BLMH: variants seen among roughly 807,000 people sequenced by gnomAD.
BLMH encodes BLM hydrolase.
Under a neutral mutation model 61.6 loss-of-function variants are expected in BLMH, and 32 were observed. The observed-to-expected ratio is 0.52, with a 90% CI of 0.39 to 0.70. BLMH has a LOEUF of 0.70. Ranked by LOEUF, BLMH falls within the 30% of genes least tolerant of loss-of-function variation. The pLI, the probability that BLMH is intolerant of heterozygous loss-of-function variation, is 0.00. For missense variants in BLMH, 460 were observed against 555.5 expected (o/e 0.83, Z 1.73); for synonymous variants, 183 against 193.8 (o/e 0.94, Z 0.46).
At chr17:30,271,179 C>T (rs1204710534) in intron 10 of BLMH, 92 bp downstream of exon 10, 4 of 982,640 alleles carry the variant, frequency 4.1e-6, no homozygotes, top group Admixed American at 1.8e-5. Flanking sequence ...AAATCATATA[C>T]ACTATGAATG....
chr17:30,272,927 G>A, intron 7 of BLMH, 28 bp from the exon 8 acceptor site: 1 of 1,609,014 alleles, frequency 6.2e-7, no homozygotes, highest in South Asian at 1.1e-5. Flanking sequence ...ACATTAATTA[G>A]GGCACAAAAC....
Position 30,254,110 on chromosome 17 carries a change from G to T in BLMH, c.1217-4942C>A, listed in dbSNP as rs183867881. 1.2e-3 allele frequency among the ~76,000 whole-genome samples: 179 copies of T among 152,226 alleles called. 1 individual carries two copies. The Middle Eastern group carries it at 0.024, about 20-fold the overall frequency. Reference sequence around the variant, plus strand: ...TAAGATTTAAGCCTTTCAGACTAAAGAATACAAAGAATATAAAATATATTT... The same window carrying T: ...TAAGATTTAAGCCTTTCAGACTAAATAATACAAAGAATATAAAATATATTT... On this transcript the variant is annotated intron_variant, in intron 11 of 11. Transcript: ENST00000261714.
intron 11 of BLMH, among the ~76,000 whole-genome samples, chr17:30,255,626 C>T (rs1008496128): frequency 2.0e-5 from 3 of 152,158 alleles, no homozygotes; most frequent in South Asian, 2.1e-4. Context: ...TCGCCAGGCA[C>T]GGTGGCTCAT....
chr17:30,287,727 C>T (rs1434848522), intron 4 of BLMH, 79 bp downstream of exon 4: 1 of 1,526,596 alleles, frequency 6.6e-7, no homozygotes, highest in African/African-American at 1.4e-5. Context: ...TACACAACCA[C>T]CAAAGAATTG....
In BLMH at chr17:30,271,328, C is replaced by T; in HGVS notation, c.1089G>A (p.Leu363=). The stretch of plus-strand genomic sequence containing the variant: ...GGGTCATAAGTGACTCACCAAAAGT[C>T]AGCCTCTCCGCTTTATTCATGTTCT... ...SLKNMNKAER[L]TFGESLMTHA... Residue 363 remains leucine, a synonymous_variant, in exon 10 of 12, where the codon CTG becomes CTA. Coordinates refer to ENST00000261714, the MANE Select transcript of BLMH (RefSeq NM_000386.4). 6.2e-7 allele frequency: 1 copy of T among 1,614,170 alleles called. No homozygotes were observed. Among genetic ancestry groups the T allele is most frequent in the East Asian group, 2.2e-5 (1 of 44,892 alleles).
intron 11 of BLMH, among the ~76,000 whole-genome samples, chr17:30,264,889 ATATAAC>A (rs1908058115): frequency 6.6e-6 from 1 of 152,248 alleles, no homozygotes; most frequent in Non-Finnish European, 1.5e-5. Context: ...CAACTTACAG[ATATAAC>A]TAAACTGTGA....
At chr17:30,283,936 T>A (rs979714907) in intron 6 of BLMH, among the ~76,000 whole-genome samples, 3 of 152,230 alleles carry the variant, frequency 2.0e-5, no homozygotes, top group African/African-American at 7.2e-5. Flanking sequence ...TCCTGCTACG[T>A]GCCAGGCACT....
At chr17:30,285,548 C>A in intron 5 of BLMH, 68 bp from the exon 6 acceptor site, 1 of 1,263,836 alleles carries the variant, frequency 7.9e-7, no homozygotes, top group Non-Finnish European at 1.1e-6. Flanking sequence ...TCTCATAGAC[C>A]AACGCAAGTT....
chr17:30,264,175 G>A (rs1421263516), intron 11 of BLMH, among the ~76,000 whole-genome samples: 1 of 152,140 alleles, frequency 6.6e-6, no homozygotes, highest in Non-Finnish European at 1.5e-5. Flanking sequence ...AATTTATTTT[G>A]GCTTGAATGA....
At chr17:30,287,266 A>G (rs779704222) in intron 4 of BLMH, among the ~76,000 whole-genome samples, 1 of 152,110 alleles carries the variant, frequency 6.6e-6, no homozygotes, top group Non-Finnish European at 1.5e-5. Context: ...GGCTTGAGCA[A>G]TCCTCCTGCC....
chr17:30,273,155 T>C, intron 7 of BLMH: 1 of 348,662 alleles, frequency 2.9e-6, no homozygotes, highest in Non-Finnish European at 5.1e-6. Context: ...CAAGAACTGC[T>C]CCAAAAGCAA....
At chr17:30,273,830 T>C (rs930204268) in intron 7 of BLMH, 9 of 607,832 alleles carry the variant, frequency 1.5e-5, no homozygotes, top group Non-Finnish European at 2.5e-5. Context: ...GTTTAAAAAG[T>C]CTCTGAAGAG....
chr17:30,278,052 TGGAA>T (rs1328672232), intron 6 of BLMH, among the ~76,000 whole-genome samples: 1 of 152,206 alleles, frequency 6.6e-6, no homozygotes, highest in Non-Finnish European at 1.5e-5. Context: ...TGTAACACTT[TGGAA>T]GGAATATCTG....
At chr17:30,291,638 G>T in intron 1 of BLMH, 130 bp from the exon 2 acceptor site, 1 of 1,390,320 alleles carries the variant, frequency 7.2e-7, no homozygotes, top group Non-Finnish European at 9.7e-7. Context: ...ACCCATAAGC[G>T]GCATCCTCCT....
At chr17:30,289,527 A>G (rs1908826654) in intron 2 of BLMH, 45 bp from the exon 3 acceptor site, 1 of 1,348,090 alleles carries the variant, frequency 7.4e-7, no homozygotes, top group African/African-American at 1.5e-5. Context: ...GTTCACATAG[A>G]CTGCACTGCT....
At chr17:30,264,850 A>C (rs965126010) in intron 11 of BLMH, among the ~76,000 whole-genome samples, 2 of 152,238 alleles carry the variant, frequency 1.3e-5, no homozygotes, top group African/African-American at 4.8e-5. Flanking sequence ...TTCAAATTTT[A>C]AGACAAGTAT....
intron 7 of BLMH, 90 bp from the exon 8 acceptor site, chr17:30,272,989 G>T: frequency 7.1e-7 from 1 of 1,407,476 alleles, no homozygotes; most frequent in Non-Finnish European, 9.8e-7. Flanking sequence ...TTTCCATCAA[G>T]CTCATCATCT....
At chr17:30,267,473 T>A (rs2143021275) in intron 10 of BLMH, among the ~76,000 whole-genome samples, 1 of 152,300 alleles carries the variant, frequency 6.6e-6, no homozygotes, top group East Asian at 1.9e-4. Context: ...GGAAACCAAA[T>A]AATGATACTC....
At chr17:30,286,487 C>T (rs1900404952) in intron 5 of BLMH, among the ~76,000 whole-genome samples, 1 of 152,156 alleles carries the variant, frequency 6.6e-6, no homozygotes, top group Non-Finnish European at 1.5e-5. Flanking sequence ...AGTCCTAGCC[C>T]ACCTCCACTA....
Sources: allele counts gnomAD v4.1 joint callset (sites outside exome capture counted in the v4.1 genomes callset), GRCh38; gene constraint gnomAD v4.1.1; transcripts MANE v1.5; gene names NCBI Gene and HGNC (gene_info 2026-07-23, HGNC 2026-07-21).